Variants in BRD7 observed in about 807,000 individuals in gnomAD.
BRD7 encodes bromodomain containing 7.
In BRD7, 15 loss-of-function variants were observed where a neutral mutation model predicts 82.1. The ratio of observed to expected loss-of-function variants is 0.18; its 90% CI spans 0.12 to 0.28. The LOEUF (loss-of-function observed/expected upper bound fraction) is 0.28, where lower values mean the gene tolerates loss of function less well. Among genes scored for constraint, BRD7 ranks in the 10% least tolerant of loss-of-function variants. BRD7 has a pLI of 1.00. For synonymous variants in BRD7, 232 were observed against 266.9 expected, an observed-to-expected ratio of 0.87 and a Z score of 1.27; for missense variants, 638 against 779.9, an observed-to-expected ratio of 0.82 and a Z score of 2.17.
Position 50,326,188 on chromosome 16 carries a change from TG to T in BRD7, c.1195+95del, listed in dbSNP as rs1212826689. 9.3e-6 allele frequency: 9 copies of T among 963,044 alleles called. No individual in the cohort carries two copies. The African/African-American group carries it at 1.5e-4, about 16-fold the overall frequency. 59.7% of individuals were successfully genotyped at this position (963,044 alleles called of 1,614,324 possible). ...TGTTGCAAAAATACCACCAAGATACTGGTGCCCACCTAGTGAATAAAGCATA... is the reference window on the plus strand; with the variant it reads ...TGTTGCAAAAATACCACCAAGATACTGTGCCCACCTAGTGAATAAAGCATA... On this transcript the variant is annotated intron_variant, in intron 10 of 16. Transcript: ENST00000394688.
intron 11 of BRD7, among the ~76,000 whole-genome samples, chr16:50,324,186 G>C (rs1042311666): frequency 1.3e-5 from 2 of 152,098 alleles, no homozygotes; most frequent in African/African-American, 4.8e-5. Context: ...AGCAACTGCA[G>C]TCTTCCAGGC....
In BRD7 at chr16:50,350,179, T is replaced by C. The variant is rs748012563; in HGVS notation, c.447-12A>G. The stretch of plus-strand genomic sequence containing the variant: ...CACTTGGATCTTTTCTGTAAAGATA[T>C]GCAAAAGACAATGTAATATTTTATT... On this transcript the variant is annotated splice_polypyrimidine_tract_variant and intron_variant, in intron 4 of 16. Transcript: ENST00000394688. 4.5e-6 allele frequency: 7 copies of C among 1,551,906 alleles called. No individual in the cohort carries two copies. In the South Asian group the frequency reaches 6.3e-5, roughly 14 times the overall value.
Position 50,318,687 on chromosome 16 carries a change from ACTC to A in BRD7, c.*521_*523del, listed in dbSNP as rs2036935012. The A allele has an allele frequency of 6.5e-6, 1 of 152,680 alleles. No individual in the cohort carries two copies. Among genetic ancestry groups the A allele is most frequent in the Middle Eastern group, 3.1e-3 (1 of 320 alleles). 9.5% of individuals were successfully genotyped at this position (152,680 alleles called of 1,614,324 possible). Reference sequence around the variant, plus strand: ...TATTACTTTGCTATAGTACTAAGTAACTCCTCTTTCTTTAAAAAACGGAAAAAA... The same window carrying A: ...TATTACTTTGCTATAGTACTAAGTAACTCTTTCTTTAAAAAACGGAAAAAA... On this transcript the variant is annotated 3_prime_UTR_variant, in exon 17 of 17. Coordinates refer to ENST00000394688, the MANE Select transcript of BRD7 (RefSeq NM_013263.5).
chr16:50,318,949 A>ACAT lies in BRD7; in HGVS notation c.*259_*261dup, dbSNP rs1205741860. 6 of 386,730 alleles carry ACAT rather than the reference A, an allele frequency of 1.6e-5. No individual in the cohort carries two copies. The East Asian group carries it at 2.7e-4, about 17-fold the overall frequency. The allele number at this position is 386,730 out of a possible 1,614,324, so 24.0% of individuals were successfully genotyped here. A position where few individuals can be genotyped will look rare whatever the true frequency, so the allele number is the denominator to read the frequency against. On this transcript the variant is annotated 3_prime_UTR_variant, in exon 17 of 17. Transcript: ENST00000394688. ...TCTTAGTGATGATCCTGTCTGTGGG[A>ACAT]CATAAGGAAGAAGCATTGGAAGGCA...
rs1393100234 is a variant in BRD7, at chr16:50,339,959, C to G, written c.702+17G>C. 2 of 1,458,862 alleles carry G rather than the reference C, an allele frequency of 1.4e-6. No individual in the cohort carries two copies. The highest frequency in any genetic ancestry group is 1.9e-5 in the Admixed American group (1 of 51,604). The allele number at this position is 1,458,862 out of a possible 1,614,324, so 90.4% of individuals were successfully genotyped here. A position where few individuals can be genotyped will look rare whatever the true frequency, so the allele number is the denominator to read the frequency against. Reference sequence around the variant, plus strand: ...AGATTTTAATAACTATTATTTATGACAAAGAGTTTCCTTTACCTGGCTAAG... The same window carrying G: ...AGATTTTAATAACTATTATTTATGAGAAAGAGTTTCCTTTACCTGGCTAAG... On this transcript the variant is annotated intron_variant, in intron 6 of 16. Transcript: ENST00000394688.
chr16:50,361,188 G>A (rs1486321783), intron 2 of BRD7, among the ~76,000 whole-genome samples: 2 of 152,118 alleles, frequency 1.3e-5, no homozygotes, highest in Admixed American at 6.5e-5. Flanking sequence ...GTAAACACTC[G>A]GATGTTAGTT....
At chr16:50,349,508 T>G in intron 5 of BRD7, 1 of 468,602 alleles carries the variant, frequency 2.1e-6, no homozygotes, top group Non-Finnish European at 4.4e-6. Context: ...CCCCTTCATG[T>G]TCCAGTACGA....
chr16:50,368,260 C>T lies in BRD7; in HGVS notation c.88G>A (p.Gly30Arg), dbSNP rs2039225687. Residue 30 changes from glycine (G) to arginine (R), a missense_variant, in exon 2 of 17, where the codon GGA becomes AGA. This residue lies in a region of BRD7 where 172 missense variants were observed against 155.3 expected (regional missense o/e 1.11). Coordinates refer to ENST00000394688, the MANE Select transcript of BRD7 (RefSeq NM_013263.5). ...GAGAGTTCGGTGACTTCGTTCCCTC[C>T]TACTTTGAGGACCAGCTTCAAGGGC... Reference protein sequence around the residue: ...EKPLKLVLKVGGNEVTELSTG... With the variant: ...EKPLKLVLKVRGNEVTELSTG... 1.9e-6 allele frequency: 3 copies of T among 1,613,962 alleles called. No individual in the cohort carries two copies. Among genetic ancestry groups the T allele is most frequent in the Admixed American group, 1.7e-5 (1 of 59,992 alleles).
chr16:50,335,612 T>C (rs1304794112), intron 6 of BRD7, among the ~76,000 whole-genome samples: 1 of 152,224 alleles, frequency 6.6e-6, no homozygotes, highest in Non-Finnish European at 1.5e-5. Flanking sequence ...AAGTTATCAC[T>C]GGGTAAAATA....
chr16:50,327,752 C>T (rs1048999798), intron 9 of BRD7, among the ~76,000 whole-genome samples: 1 of 152,096 alleles, frequency 6.6e-6, no homozygotes, highest in Non-Finnish European at 1.5e-5. Context: ...AGTATTTATT[C>T]ATTATAGACA....
chr16:50,345,222 A>C (rs2038232428), intron 5 of BRD7, among the ~76,000 whole-genome samples: 1 of 152,234 alleles, frequency 6.6e-6, no homozygotes, highest in African/African-American at 2.4e-5. Flanking sequence ...AAATGCTGAC[A>C]GATTTTGTCA....
chr16:50,332,606 A>C (rs1403733768), intron 8 of BRD7, among the ~76,000 whole-genome samples: 2 of 152,202 alleles, frequency 1.3e-5, no homozygotes, highest in Non-Finnish European at 2.9e-5. Context: ...CTAAAAATAG[A>C]ATTACAATTT....
chr16:50,336,126 T>C (rs553787781), intron 6 of BRD7, among the ~76,000 whole-genome samples: 41 of 152,316 alleles, frequency 2.7e-4, no homozygotes, highest in African/African-American at 7.2e-4. Flanking sequence ...TTCCTCTCCA[T>C]ATCAATAGAT....
chr16:50,321,341 A>G (rs1026211125), intron 13 of BRD7, among the ~76,000 whole-genome samples: 1 of 152,112 alleles, frequency 6.6e-6, no homozygotes, highest in African/African-American at 2.4e-5. Context: ...TGGGCGGATC[A>G]CCTGACATTA....
intron 1 of BRD7, 156 bp downstream of exon 1, chr16:50,368,570 G>C (rs973923572): frequency 2.0e-5 from 16 of 797,602 alleles, no homozygotes; most frequent in East Asian, 1.0e-4. Context: ...GGCCGCACGG[G>C]GGGCAGCGCG....
intron 2 of BRD7, among the ~76,000 whole-genome samples, chr16:50,357,419 T>C (rs1413943441): frequency 6.6e-6 from 1 of 152,234 alleles, no homozygotes; most frequent in Non-Finnish European, 1.5e-5. Context: ...TTTTACCACC[T>C]CACAACATAT....
At chr16:50,343,712 G>C (rs1349752383) in intron 5 of BRD7, among the ~76,000 whole-genome samples, 2 of 152,342 alleles carry the variant, frequency 1.3e-5, no homozygotes, top group East Asian at 3.9e-4. Context: ...TGTTAGCACA[G>C]CAGTCTGAGA....
intron 12 of BRD7, 29 bp downstream of exon 12, chr16:50,323,558 T>G: frequency 6.9e-7 from 1 of 1,455,124 alleles, no homozygotes; most frequent in Non-Finnish European, 9.6e-7. Context: ...GATAATAAAT[T>G]ACCCTGTTTT....
At position 50,320,272 on chromosome 16, in the gene BRD7, G is replaced by A. The variant is rs781513186; in HGVS notation, c.1732C>T (p.Pro578Ser). The A allele has an allele frequency of 6.2e-7, 1 of 1,613,610 alleles. No individual in the cohort carries two copies. The highest frequency in any genetic ancestry group is 8.5e-7 in the Non-Finnish European group (1 of 1,179,870). The change falls in exon 15 of 17, where the codon CCC (proline) becomes TCC (serine). Residue 578 changes from proline (P) to serine (S), a missense_variant. By Grantham distance (74) the Pro-to-Ser change is moderately conservative (BLOSUM62 -1). Coordinates refer to ENST00000394688, the MANE Select transcript of BRD7 (RefSeq NM_013263.5). ...PPPNMICLLGPSYREMHLAEQ... is the reference protein window; with the variant it reads ...PPPNMICLLGSSYREMHLAEQ... ...CCAAGATGCATTTCTCTGTATGAGG[G>A]ACCCAAGAGACAGATCATGTTCGGA...
Sources: allele counts gnomAD v4.1 joint callset (sites outside exome capture counted in the v4.1 genomes callset), GRCh38; gene constraint gnomAD v4.1.1; regional missense constraint gnomAD v4.1.1; transcripts MANE v1.5; gene names NCBI Gene and HGNC (gene_info 2026-07-23, HGNC 2026-07-21).